Variants in ACOX3 observed in about 807,000 individuals in gnomAD.
ACOX3 encodes peroxisomal acyl-coenzyme A oxidase 3.
A neutral mutation model predicts 81.5 loss-of-function variants in ACOX3; 73 were observed. The observed-to-expected ratio is 0.90, with a 90% confidence interval of 0.74 to 1.09. The LOEUF is 1.09. ACOX3 is among the 50% of genes least tolerant of loss of function. The pLI, the probability that ACOX3 is intolerant of heterozygous loss-of-function variation, is 0.00. For missense variants in ACOX3, 947 were observed against 928.0 expected, an observed-to-expected ratio of 1.02 and a Z score of -0.27; for synonymous variants, 387 against 375.1, an observed-to-expected ratio of 1.03 and a Z score of -0.37.
At chr4:8,396,238 A>T (rs1020818051) in intron 9 of ACOX3, among the ~76,000 whole-genome samples, 2 of 152,160 alleles carry the variant, frequency 1.3e-5, no homozygotes, top group Non-Finnish European at 2.9e-5. Context: ...CTTCCAGATC[A>T]CCTGCCAGGA....
chr4:8,379,378 C>T (rs1217647996), intron 14 of ACOX3, among the ~76,000 whole-genome samples: 1 of 152,204 alleles, frequency 6.6e-6, no homozygotes, highest in Admixed American at 6.5e-5. Context: ...AGGTCTGGAA[C>T]ACGAAGCCCT....
the ACOX3 span, chr4:8,356,731 G>A: frequency 4.4e-6 from 2 of 456,572 alleles, no homozygotes; most frequent in South Asian, 1.5e-5. Context: ...CCCAGCAGGC[G>A]AGAGGAAGAA....
At chr4:8,390,342 CAAA>C (rs138926683) in intron 11 of ACOX3, among the ~76,000 whole-genome samples, 1 of 134,012 alleles carries the variant, frequency 7.5e-6, no homozygotes. Context: ...AGACTCTGAC[CAAA>C]AAAAAAAAAG....
In ACOX3 at chr4:8,381,600, C is replaced by G; in HGVS notation, c.1545G>C (p.Leu515=). Residue 515 remains leucine (L), a synonymous_variant, in exon 14 of 18, where the codon CTG becomes CTC. Coordinates refer to ENST00000356406, the MANE Select transcript of ACOX3 (RefSeq NM_003501.3). The surrounding 1 kb of genome is among the most constrained non-coding windows in gnomAD (Gnocchi z 4.3). ...VADCLDSAVA[L]AAYKWLVCYL... ...AGCAAACCAGCCACTTGTATGCTGC[C>G]AGGGCGACTTCGGAATGACAAACAG... 1 of 1,612,082 alleles carries G rather than the reference C, an allele frequency of 6.2e-7. No homozygotes were observed. Among genetic ancestry groups the G allele is most frequent in the South Asian group, 1.1e-5 (1 of 90,858 alleles).
chr4:8,418,200 G>A (rs1283813663), intron 1 of ACOX3, among the ~76,000 whole-genome samples: 3 of 152,114 alleles, frequency 2.0e-5, no homozygotes, highest in African/African-American at 7.2e-5. Flanking sequence ...ACCAAAACCA[G>A]ACAAAGACAT....
At chr4:8,356,608 G>C in the ACOX3 span, 1 of 456,078 alleles carries the variant, frequency 2.2e-6, no homozygotes, top group South Asian at 1.6e-5. Context: ...AATGGTGTAC[G>C]CTAACATGAT....
At chr4:8,377,559 G>A (rs370558295) in intron 14 of ACOX3, among the ~76,000 whole-genome samples, 119 of 152,338 alleles carry the variant, frequency 7.8e-4, no homozygotes, top group African/African-American at 2.6e-3. Flanking sequence ...TCTCTCACAG[G>A]AAGCGCCTGC....
chr4:8,424,724 CA>C (rs1490533604), intron 1 of ACOX3, among the ~76,000 whole-genome samples: 3 of 152,244 alleles, frequency 2.0e-5, no homozygotes, highest in African/African-American at 7.2e-5. Context: ...ACATTTCTTC[CA>C]GACAATGAAG....
Position 8,386,293 on chromosome 4 carries a change from G to A in ACOX3, c.1537+2880C>T, listed in dbSNP as rs576875180. Reference sequence around the variant, plus strand: ...CTTAGAAAGTGACTTGCGGCCGGGCGTGGTGGCTCATGCCTGTGATCCCAG... The same window carrying A: ...CTTAGAAAGTGACTTGCGGCCGGGCATGGTGGCTCATGCCTGTGATCCCAG... On this transcript the variant is annotated intron_variant, in intron 13 of 17. Transcript: ENST00000356406. This position sits in a 1 kb window ranked among gnomAD's most constrained non-coding sequence, Gnocchi z 5.2. Among the ~76,000 whole-genome samples, 5 of 152,294 alleles carry A rather than the reference G, an allele frequency of 3.3e-5. No individual in the cohort carries two copies. The highest frequency in any genetic ancestry group is 9.6e-5 in the African/African-American group (4 of 41,566).
chr4:8,404,833 T>A (rs769945841), intron 7 of ACOX3, among the ~76,000 whole-genome samples: 12 of 152,196 alleles, frequency 7.9e-5, no homozygotes, highest in Non-Finnish European at 1.5e-4. Flanking sequence ...TTTCAGGCTA[T>A]CAGGCTCAGG....
At chr4:8,435,894 T>C (rs1724210143) in intron 1 of ACOX3, among the ~76,000 whole-genome samples, 1 of 151,862 alleles carries the variant, frequency 6.6e-6, no homozygotes, top group African/African-American at 2.4e-5. Context: ...AGAAACGAGA[T>C]TAAGGAGCTA....
Position 8,389,893 on chromosome 4 carries a change from C to T in ACOX3, c.1301-159G>A, listed in dbSNP as rs9995201. ...GCCGAGGCGGGTGGATCACTTGAAG[C>T]CAGGTGTTCAAGACCAGCCTGACCA... On this transcript the variant is annotated intron_variant, in intron 11 of 17. Transcript: ENST00000356406. The surrounding 1 kb of genome is among the most constrained non-coding windows in gnomAD (Gnocchi z 5.3). Among the ~76,000 whole-genome samples, 18,763 of 151,938 alleles carry T rather than the reference C, an allele frequency of 0.12. 1,898 individuals are homozygous for T. The highest frequency in any genetic ancestry group is 0.28 in the African/African-American group (11,399 of 41,302).
chr4:8,439,474 A>G (rs1724459765), intron 1 of ACOX3, among the ~76,000 whole-genome samples: 1 of 152,226 alleles, frequency 6.6e-6, no homozygotes, highest in Non-Finnish European at 1.5e-5. Flanking sequence ...CTTGAGAAGC[A>G]AAAGATTTAA....
Position 8,374,823 on chromosome 4 carries a change from T to C in ACOX3, c.1828+155A>G, listed in dbSNP as rs530756199. 1.1e-3 allele frequency: 867 copies of C among 802,212 alleles called. 1 individual carries two copies. Among genetic ancestry groups the C allele is most frequent in the Non-Finnish European group, 1.5e-3 (813 of 553,812 alleles). 49.7% of individuals were successfully genotyped at this position (802,212 alleles called of 1,614,324 possible). On this transcript the variant is annotated intron_variant, in intron 15 of 17. Transcript: ENST00000356406. The stretch of plus-strand genomic sequence containing the variant: ...GCTGCTCTGCCCCATATGCTTCTCA[T>C]TATGGAACTGGGCTTCTCATCTGTC...
At chr4:8,365,742 G>A (rs972646650), downstream of ACOX3, among the ~76,000 whole-genome samples, 6 of 143,952 alleles carry the variant, frequency 4.2e-5, no homozygotes, top group Admixed American at 2.0e-4. Flanking sequence ...CCAGACGGGT[G>A]GGATGTGGTG....
At chr4:8,364,193 GA>G (rs1446561669), downstream of ACOX3, among the ~76,000 whole-genome samples, 1 of 152,104 alleles carries the variant, frequency 6.6e-6, no homozygotes, top group Non-Finnish European at 1.5e-5. The surrounding 1 kb of genome is among the most constrained non-coding windows in gnomAD (Gnocchi z 5.0). Context: ...TGTACTGACT[GA>G]CCTCTCTGCC....
chr4:8,384,262 G>A lies in ACOX3; in HGVS notation c.1538-2655C>T, dbSNP rs879446067. Among the ~76,000 whole-genome samples, 3 of 152,108 alleles carry A rather than the reference G, an allele frequency of 2.0e-5. No homozygotes were observed. Among genetic ancestry groups the A allele is most frequent in the Non-Finnish European group, 2.9e-5 (2 of 68,014 alleles). Reference sequence around the variant, plus strand: ...CTCTACTTTTGGTTCTTGGTTTTTCGTGAAAAAATAAATCATGTCAGTCTG... The same window carrying A: ...CTCTACTTTTGGTTCTTGGTTTTTCATGAAAAAATAAATCATGTCAGTCTG... On this transcript the variant is annotated intron_variant, in intron 13 of 17. Coordinates refer to ENST00000356406, the MANE Select transcript of ACOX3 (RefSeq NM_003501.3). The surrounding 1 kb of genome is among the most constrained non-coding windows in gnomAD (Gnocchi z 5.3).
downstream of ACOX3, among the ~76,000 whole-genome samples, chr4:8,364,919 C>A (rs1241901049): frequency 6.6e-6 from 1 of 152,148 alleles, no homozygotes; most frequent in East Asian, 1.9e-4. This position sits in a 1 kb window ranked among gnomAD's most constrained non-coding sequence, Gnocchi z 5.0. Context: ...GCAGGAGTGA[C>A]CGTGACTCTA....
intron 5 of ACOX3, among the ~76,000 whole-genome samples, chr4:8,411,218 G>A (rs1405882004): frequency 2.0e-5 from 3 of 152,214 alleles, no homozygotes; most frequent in South Asian, 2.1e-4. Flanking sequence ...GGGCCGCCTC[G>A]GGAGACACTG....
Sources: gnomAD v4.1 joint callset for allele counts (sites outside exome capture counted in the v4.1 genomes callset) on GRCh38, gnomAD v4.1.1 for gene constraint, Gnocchi (gnomAD v3.1) non-coding constraint, MANE v1.5 for transcripts, NCBI Gene and HGNC (gene_info 2026-07-23, HGNC 2026-07-21) for gene names.